The following MGAT4C variants were observed in gnomAD, a reference collection of about 807,000 sequenced individuals.
MGAT4C encodes the protein MGAT4 family member C.
A neutral mutation model predicts 40.1 loss-of-function variants in MGAT4C; 19 were observed. That is an observed-to-expected ratio of 0.47 (90% confidence interval 0.33 to 0.70). The LOEUF (loss-of-function observed/expected upper bound fraction) is 0.70, where lower values mean the gene tolerates loss of function less well. Among genes scored for constraint, MGAT4C ranks in the 30% least tolerant of loss-of-function variants. The pLI is 0.02. For missense variants in MGAT4C, 491 were observed against 563.2 expected (o/e 0.87, Z 1.30); for synonymous variants, 181 against 187.1 (o/e 0.97, Z 0.27).
chr12:86,396,053 A>AT (rs1956256039), intron 3 of MGAT4C, among the ~76,000 whole-genome samples: 1 of 152,054 alleles, frequency 6.6e-6, no homozygotes, highest in Non-Finnish European at 1.5e-5. Context: ...TTACTATAGA[A>AT]TTTTTTCTCC....
chr12:86,675,561 C>T (rs1964371113), intron 2 of MGAT4C, among the ~76,000 whole-genome samples: 1 of 152,198 alleles, frequency 6.6e-6, no homozygotes, highest in African/African-American at 2.4e-5. Context: ...CTATACCAGA[C>T]CAGTGGTTCT....
At chr12:86,459,357 G>A (rs2136293905) in intron 2 of MGAT4C, among the ~76,000 whole-genome samples, 1 of 152,030 alleles carries the variant, frequency 6.6e-6, no homozygotes, top group African/African-American at 2.4e-5. Context: ...ACTTAACCAA[G>A]AGGGAGCCTA....
chr12:86,357,762 G>A (rs941827113), intron 3 of MGAT4C, among the ~76,000 whole-genome samples: 8 of 152,132 alleles, frequency 5.3e-5, no homozygotes, highest in Non-Finnish European at 7.3e-5. Flanking sequence ...AATGAAGCAA[G>A]AAGAGAAGTT....
chr12:86,797,513 T>A (rs1284495674), intron 1 of MGAT4C, among the ~76,000 whole-genome samples: 1 of 151,868 alleles, frequency 6.6e-6, no homozygotes, highest in African/African-American at 2.4e-5. Flanking sequence ...CTATTAAAAA[T>A]ACCCCAGAAG....
At chr12:86,561,533 T>C (rs1345130599) in intron 2 of MGAT4C, among the ~76,000 whole-genome samples, 1 of 152,208 alleles carries the variant, frequency 6.6e-6, no homozygotes. Context: ...CTCCAAGTTA[T>C]TCACCTTTTG....
Position 86,302,397 on chromosome 12 carries a change from T to G in MGAT4C, c.-57+31668A>C, listed in dbSNP as rs868663137. Among the ~76,000 whole-genome samples the G allele has an allele frequency of 5.4e-4, 72 of 132,592 alleles. 7 individuals are homozygous for G. The highest frequency in any genetic ancestry group is 3.6e-3 in the Middle Eastern group (1 of 280). The allele number at this position is 132,592 out of a possible 152,430, so 87.0% of individuals were successfully genotyped here. ...TAGGCAGTTGCAGGGTTTTTGTTTGTTTGGTTGGTTGGTTGGTTGGTTGGT... is the reference window on the plus strand; with the variant it reads ...TAGGCAGTTGCAGGGTTTTTGTTTGGTTGGTTGGTTGGTTGGTTGGTTGGT... On this transcript the variant is annotated intron_variant, in intron 4 of 7. Coordinates refer to the MGAT4C transcript ENST00000548651.
At chr12:86,273,703 C>T (rs1392848409) in intron 4 of MGAT4C, among the ~76,000 whole-genome samples, 1 of 151,952 alleles carries the variant, frequency 6.6e-6, no homozygotes, top group African/African-American at 2.4e-5. Flanking sequence ...TAGTGAGACC[C>T]CAGTAATCTA....
intron 2 of MGAT4C, among the ~76,000 whole-genome samples, chr12:86,509,467 T>G (rs1167665108): frequency 6.6e-6 from 1 of 152,204 alleles, no homozygotes; most frequent in East Asian, 1.9e-4. Flanking sequence ...ACTGTAACCT[T>G]GTAGTATAGT....
At chr12:86,673,643 T>A (rs569384634) in intron 2 of MGAT4C, among the ~76,000 whole-genome samples, 3 of 152,346 alleles carry the variant, frequency 2.0e-5, no homozygotes, top group Admixed American at 6.5e-5. Context: ...AGATAAACTT[T>A]AACACATCTT....
At chr12:86,030,554 G>GT (rs542509471) in intron 2 of MGAT4C, among the ~76,000 whole-genome samples, 68 of 151,790 alleles carry the variant, frequency 4.5e-4, no homozygotes, top group African/African-American at 1.6e-3. Context: ...AATCTATTAG[G>GT]TGTAAAACAT....
rs554243601 is a variant in MGAT4C at position 86,536,931 on chromosome 12, A to C, written c.-228-101666T>G. 1.1e-3 allele frequency among the ~76,000 whole-genome samples: 175 copies of C among 152,266 alleles called. 2 individuals are homozygous for C. Among genetic ancestry groups the C allele is most frequent in the Middle Eastern group, 0.01 (3 of 294 alleles). ...GACACATGCACATATATGTTTATTG[A>C]GGCACTATTCACAATAGCAAAGACT... is the stretch of plus-strand genomic sequence containing the variant. On this transcript the variant is annotated intron_variant, in intron 2 of 7. Coordinates refer to the MGAT4C transcript ENST00000548651.
At chr12:86,160,312 C>A (rs1885454401) in intron 1 of MGAT4C, among the ~76,000 whole-genome samples, 1 of 151,960 alleles carries the variant, frequency 6.6e-6, no homozygotes, top group Non-Finnish European at 1.5e-5. Flanking sequence ...TATTTAGGAG[C>A]AAGCTGTTTA....
At position 86,446,333 on chromosome 12, in the gene MGAT4C, A is replaced by G. The variant is rs113246541; in HGVS notation, c.-228-11068T>C. Among the ~76,000 whole-genome samples the G allele has an allele frequency of 6.7e-3, 1,021 of 152,040 alleles. 10 individuals are homozygous for G. Among genetic ancestry groups the G allele is most frequent in the African/African-American group, 0.023 (975 of 41,512 alleles). On this transcript the variant is annotated intron_variant, in intron 2 of 7. Coordinates refer to the MGAT4C transcript ENST00000548651. Reference sequence around the variant, plus strand: ...TACTCATCCCAGGAAAGCTGCTCCAATTGGCATTGGTAAAGTATATAATGC... The same window carrying G: ...TACTCATCCCAGGAAAGCTGCTCCAGTTGGCATTGGTAAAGTATATAATGC...
At chr12:86,441,703 T>G (rs1210352103) in intron 2 of MGAT4C, among the ~76,000 whole-genome samples, 1 of 152,038 alleles carries the variant, frequency 6.6e-6, no homozygotes, top group Admixed American at 6.6e-5. Context: ...TGCATAGTAT[T>G]CCATGGTGTA....
Position 86,347,355 on chromosome 12 carries a change from T to C in MGAT4C, c.-119-13228A>G, listed in dbSNP as rs189387066. Among the ~76,000 whole-genome samples the C allele has an allele frequency of 1.5e-3, 228 of 152,294 alleles. 2 individuals are homozygous for C. In the East Asian group the frequency reaches 0.033, roughly 22 times the overall value. On this transcript the variant is annotated intron_variant, in intron 3 of 7. Coordinates refer to the MGAT4C transcript ENST00000548651. ...TAAGTATAAAAAAACACATGGCATA[T>C]TTTAAAAACATGCCCACATTAAGAC... is the stretch of plus-strand genomic sequence containing the variant.
At chr12:86,466,708 T>G (rs1957687296) in intron 2 of MGAT4C, among the ~76,000 whole-genome samples, 1 of 152,184 alleles carries the variant, frequency 6.6e-6, no homozygotes, top group South Asian at 2.1e-4. Context: ...CTATGATGCA[T>G]TAACGTAGGC....
At chr12:86,449,525 T>C (rs1957390359) in intron 2 of MGAT4C, among the ~76,000 whole-genome samples, 1 of 152,120 alleles carries the variant, frequency 6.6e-6, no homozygotes, top group Non-Finnish European at 1.5e-5. Flanking sequence ...AATCAAATTA[T>C]AGAATATTTC....
intron 1 of MGAT4C, among the ~76,000 whole-genome samples, chr12:86,788,279 T>A (rs1951967289): frequency 6.6e-6 from 1 of 151,394 alleles, no homozygotes; most frequent in East Asian, 1.9e-4. Flanking sequence ...TTATATGCTT[T>A]AATTTTATTC....
At chr12:86,580,211 T>C (rs554407933) in intron 2 of MGAT4C, among the ~76,000 whole-genome samples, 1 of 151,588 alleles carries the variant, frequency 6.6e-6, no homozygotes, top group South Asian at 2.1e-4. Flanking sequence ...CAGTGACTGC[T>C]CAAATTTAAA....
Sources: allele counts gnomAD v4.1 joint callset (sites outside exome capture counted in the v4.1 genomes callset), GRCh38; gene constraint gnomAD v4.1.1; transcripts MANE v1.5; gene names NCBI Gene and HGNC (gene_info 2026-07-23, HGNC 2026-07-21).